Variants in CLIP4 observed in about 807,000 individuals in gnomAD.
CLIP4 encodes the protein CAP-Gly domain-containing linker protein 4.
In CLIP4, 47 loss-of-function variants were observed where a neutral mutation model predicts 73.1. That is an observed-to-expected ratio of 0.64 (90% CI 0.51 to 0.82). The LOEUF is 0.82. Among genes scored for constraint, CLIP4 ranks in the 40% least tolerant of loss-of-function variants. The probability of loss-of-function intolerance (pLI) is 0.00; values close to 1 mark genes in which losing one functional copy is unlikely to be tolerated. For synonymous variants in CLIP4, 306 were observed against 295.4 expected, an observed-to-expected ratio of 1.04 and a Z score of -0.37; for missense variants, 874 against 852.9, an observed-to-expected ratio of 1.02 and a Z score of -0.31.
intron 9 of CLIP4, among the ~76,000 whole-genome samples, chr2:29,154,716 A>G (rs1184796209): frequency 1.3e-5 from 2 of 152,190 alleles, no homozygotes; most frequent in Non-Finnish European, 2.9e-5. Context: ...CAAGTGGTGT[A>G]TGCATGGATC....
At chr2:29,177,485 G>A (rs1409623697) in intron 15 of CLIP4, among the ~76,000 whole-genome samples, 1 of 151,998 alleles carries the variant, frequency 6.6e-6, no homozygotes, top group Non-Finnish European at 1.5e-5. Context: ...CGATGCTGAG[G>A]CAGGAGGATC....
chr2:29,124,640 T>A (rs1664481625), intron 2 of CLIP4, among the ~76,000 whole-genome samples: 2 of 152,160 alleles, frequency 1.3e-5, no homozygotes, highest in Non-Finnish European at 2.9e-5. Context: ...CATTTTTTTC[T>A]CTTTATTTTG....
At position 29,164,091 on chromosome 2, in the gene CLIP4, C is replaced by CTTCAGAGAGAAGGCTCATGGA. The variant is rs1277244120; in HGVS notation, c.1658+138_1658+158dup. ...TTTCAAGGGGTTAACCAACCACCTT[C>CTTCAGAGAGAAGGCTCATGGA]TTCAGAGAGAAGGCTCATGGAAAGC... On this transcript the variant is annotated intron_variant, in intron 13 of 15. Transcript: ENST00000320081. 4.0e-6 allele frequency: 3 copies of CTTCAGAGAGAAGGCTCATGGA among 752,232 alleles called. No homozygotes were observed. The African/African-American group carries it at 5.3e-5, about 13-fold the overall frequency. The allele number at this position is 752,232 out of a possible 1,614,324, so 46.6% of individuals were successfully genotyped here. A position where few individuals can be genotyped will look rare whatever the true frequency, so the allele number is the denominator to read the frequency against.
intron 8 of CLIP4, among the ~76,000 whole-genome samples, chr2:29,148,678 C>T (rs140712082): frequency 7.2e-4 from 109 of 152,218 alleles, no homozygotes; most frequent in African/African-American, 2.6e-3. Flanking sequence ...AATATATTTA[C>T]GTGAATCTCT....
At chr2:29,153,862 A>G (rs1276176882) in intron 9 of CLIP4, among the ~76,000 whole-genome samples, 2 of 152,166 alleles carry the variant, frequency 1.3e-5, no homozygotes, top group Admixed American at 1.3e-4. Context: ...AAAACCTCCT[A>G]TCTCATTCTT....
At chr2:29,102,658 C>T (rs1209753490) in intron 1 of CLIP4, among the ~76,000 whole-genome samples, 1 of 151,644 alleles carries the variant, frequency 6.6e-6, no homozygotes, top group Non-Finnish European at 1.5e-5. Context: ...CAGAGTCTCA[C>T]TCTGTCACCC....
chr2:29,167,743 C>T (rs1327134126), intron 14 of CLIP4: 2 of 414,604 alleles, frequency 4.8e-6, no homozygotes, highest in African/African-American at 2.1e-5. Flanking sequence ...AGTACCCCAT[C>T]CCATCTCATC....
intron 2 of CLIP4, among the ~76,000 whole-genome samples, chr2:29,124,821 T>G (rs1664493570): frequency 6.6e-6 from 1 of 152,170 alleles, no homozygotes; most frequent in South Asian, 2.1e-4. Flanking sequence ...CTTTGAACAT[T>G]TGGAATAGAG....
intron 1 of CLIP4, among the ~76,000 whole-genome samples, chr2:29,117,301 AT>A (rs940854695): frequency 2.4e-3 from 354 of 149,214 alleles, no homozygotes; most frequent in African/African-American, 7.7e-3. Flanking sequence ...AAATTTTAAT[AT>A]TTTTTTTCTT....
intron 1 of CLIP4, among the ~76,000 whole-genome samples, chr2:29,120,996 G>A (rs1192140700): frequency 6.6e-6 from 1 of 152,180 alleles, no homozygotes; most frequent in African/African-American, 2.4e-5. Context: ...GACAAATGAT[G>A]TAACTTGTGC....
At position 29,182,624 on chromosome 2, in the gene CLIP4, C is replaced by G. The variant is rs1558596594; in HGVS notation, c.*731C>G. 3.9e-5 allele frequency: 6 copies of G among 152,666 alleles called. No individual in the cohort carries two copies. In the South Asian group the frequency reaches 6.2e-4, roughly 16 times the overall value. 9.5% of individuals were successfully genotyped at this position (152,666 alleles called of 1,614,324 possible). A position where few individuals can be genotyped will look rare whatever the true frequency, so the allele number is the denominator to read the frequency against. Reference sequence around the variant, plus strand: ...GTGCTCTTTCTGCTATACAAAATGTCTAATCTCAGATTTTTCTTCTGCTGC... The same window carrying G: ...GTGCTCTTTCTGCTATACAAAATGTGTAATCTCAGATTTTTCTTCTGCTGC... On this transcript the variant is annotated 3_prime_UTR_variant, in exon 16 of 16. Coordinates refer to ENST00000320081, the MANE Select transcript of CLIP4 (RefSeq NM_024692.6).
At chr2:29,174,846 T>C (rs1234949451) in intron 15 of CLIP4, 2 of 250,592 alleles carry the variant, frequency 8.0e-6, no homozygotes, top group Non-Finnish European at 1.3e-5. Flanking sequence ...TGAAAAATGC[T>C]CCCAATTCCT....
intron 6 of CLIP4, among the ~76,000 whole-genome samples, chr2:29,137,859 AT>A (rs925642448): frequency 1.3e-5 from 2 of 150,204 alleles, no homozygotes; most frequent in African/African-American, 2.4e-5. Flanking sequence ...TTTTAATGGG[AT>A]TTTTTTTCTT....
chr2:29,141,377 C>G (rs984755970), intron 6 of CLIP4, among the ~76,000 whole-genome samples: 13 of 152,128 alleles, frequency 8.5e-5, no homozygotes, highest in Non-Finnish European at 1.9e-4. Flanking sequence ...CAAAATTTCT[C>G]TGTTAGTTTT....
chr2:29,152,921 A>G (rs776214507), intron 9 of CLIP4, 93 bp downstream of exon 9: 1 of 1,393,640 alleles, frequency 7.2e-7, no homozygotes, highest in Non-Finnish European at 9.8e-7. Flanking sequence ...TTTTTTTGTT[A>G]GCCAACTCTG....
chr2:29,131,020 T>C, intron 2 of CLIP4: 1 of 938,952 alleles, frequency 1.1e-6, no homozygotes, highest in Non-Finnish European at 1.4e-6. Context: ...TGAGCTTTGC[T>C]TTCCTCATGT....
At chr2:29,105,533 C>T (rs1445852216) in intron 1 of CLIP4, among the ~76,000 whole-genome samples, 1 of 152,214 alleles carries the variant, frequency 6.6e-6, no homozygotes, top group Admixed American at 6.5e-5. Context: ...AGGGCAGCCT[C>T]TCCATCTCAG....
chr2:29,173,051 C>G (rs1484651243), intron 14 of CLIP4, among the ~76,000 whole-genome samples: 1 of 152,110 alleles, frequency 6.6e-6, no homozygotes, highest in Non-Finnish European at 1.5e-5. Flanking sequence ...TCTGTTGAGA[C>G]TAACTTATGG....
At chr2:29,152,045 A>G (rs1041361619) in intron 8 of CLIP4, among the ~76,000 whole-genome samples, 1 of 152,146 alleles carries the variant, frequency 6.6e-6, no homozygotes, top group Admixed American at 6.6e-5. Context: ...ATAGTCAGAA[A>G]GATTTATTTT....
Sources: allele counts gnomAD v4.1 joint callset (sites outside exome capture counted in the v4.1 genomes callset), GRCh38; gene constraint gnomAD v4.1.1; transcripts MANE v1.5; gene names NCBI Gene and HGNC (gene_info 2026-07-23, HGNC 2026-07-21).